The following PROCA1 variants were observed in gnomAD, a reference collection of about 807,000 sequenced individuals.
PROCA1 encodes protein interacting with cyclin A1, also known as protein PROCA1.
In PROCA1, 22 loss-of-function variants were observed where a neutral mutation model predicts 23.2. The observed-to-expected ratio is 0.95, with a 90% CI of 0.68 to 1.35. The LOEUF is 1.35. PROCA1 is among the 40% of genes most tolerant of loss of function. The probability of loss-of-function intolerance (pLI) is 0.00; values close to 1 mark genes in which losing one functional copy is unlikely to be tolerated. For synonymous variants in PROCA1, 182 were observed against 179.2 expected (o/e 1.02, Z -0.12); for missense variants, 469 against 459.8 (o/e 1.02, Z -0.18).
chr17:28,705,373 C>G (rs1003214463), intron 2 of PROCA1: 1 of 153,790 alleles, frequency 6.5e-6, no homozygotes, highest in Admixed American at 6.5e-5. Flanking sequence ...CCTCCCTTCT[C>G]CTTCAAGCCC....
intron 1 of PROCA1, 177 bp from the exon 2 acceptor site, chr17:28,706,940 T>TGGGGGGGGGGGGGGGGGGGG (rs1567716248): frequency 0.021 from 4 of 194 alleles, 1 homozygote; most frequent in Admixed American, 0.071. Context: ...GGTGGGGCTA[T>TGGGGGGGGGGGGGGGGGGGG]GAGGGGGAGG....
At chr17:28,711,533 C>T in intron 1 of PROCA1, 37 bp downstream of exon 1, 1 of 1,543,590 alleles carries the variant, frequency 6.5e-7, no homozygotes, top group Non-Finnish European at 8.8e-7. Flanking sequence ...CGAGCCGGGC[C>T]GCGCCCTCTG....
chr17:28,711,066 GC>G, intron 1 of PROCA1: 1 of 1,183,266 alleles, frequency 8.5e-7, no homozygotes, highest in Non-Finnish European at 1.1e-6. Flanking sequence ...GAGGGGCAGT[GC>G]GCCCGCGTCT....
Position 28,704,168 on chromosome 17 carries a change from G to C in PROCA1, c.485C>G (p.Pro162Arg), listed in dbSNP as rs768335542. 9.7e-6 allele frequency: 15 copies of C among 1,542,896 alleles called. No individual in the cohort carries two copies. Among genetic ancestry groups the C allele is most frequent in the Non-Finnish European group, 1.3e-5 (15 of 1,149,840 alleles). The change falls in exon 5 of 5, where the codon CCA becomes CGA. Residue 162 changes from proline to arginine, a missense_variant. Transcript: ENST00000682792. ...ATCTGCCCCACACTCATGGTAGAGTGGATGGTGGATCACTGCCACAGAGAC... is the reference window on the plus strand; with the variant it reads ...ATCTGCCCCACACTCATGGTAGAGTCGATGGTGGATCACTGCCACAGAGAC... ...RPVSVAVIHH[P>R]LYHECGADDL...
rs566098264 is a variant in PROCA1 at position 28,704,368 on chromosome 17, C to T, written c.379G>A (p.Glu127Lys). Reference sequence around the variant, plus strand: ...GGTGTGAGCTCAAAGCAAGGGGACTCGATGACATGGGAGCAGGTTGGGCCC... The same window carrying T: ...GGTGTGAGCTCAAAGCAAGGGGACTTGATGACATGGGAGCAGGTTGGGCCC... ...GAGPTCSHVI[E>K]SPCFELTPEE... is the part of the protein sequence containing the mutation. The change falls in exon 4 of 5, where the codon GAG (glutamate) becomes AAG (lysine). Residue 127 changes from glutamate (E) to lysine (K), a missense_variant. Glu to Lys is a moderately conservative substitution (Grantham distance 56). Transcript: ENST00000682792. The T allele has an allele frequency of 5.5e-4, 886 of 1,614,124 alleles. 9 individuals carry two copies. In the South Asian group the frequency reaches 9.1e-3, roughly 17 times the overall value.
chr17:28,708,244 G>T (rs915990123), intron 1 of PROCA1, among the ~76,000 whole-genome samples: 1 of 152,140 alleles, frequency 6.6e-6, no homozygotes, highest in African/African-American at 2.4e-5. Flanking sequence ...TCCTGACCTT[G>T]TGATCCGCCC....
rs2151683233 is a variant in PROCA1, at chr17:28,706,597, C to T, written c.175+83G>A. ...ACCACACTTCCCTCCCTCCCTGCCT[C>T]AGGACCAAGCTTCCACCAGGTGTCA... On this transcript the variant is annotated intron_variant, in intron 2 of 4. Coordinates refer to ENST00000682792, the MANE Select transcript of PROCA1 (RefSeq NM_001366301.1). The T allele has an allele frequency of 1.1e-5, 11 of 1,023,410 alleles. 1 individual carries two copies. The South Asian group carries it at 1.5e-4, about 14-fold the overall frequency. 63.4% of individuals were successfully genotyped at this position (1,023,410 alleles called of 1,614,324 possible).
chr17:28,703,413 A>G lies in PROCA1; in HGVS notation c.*145T>C. On this transcript the variant is annotated 3_prime_UTR_variant, in exon 5 of 5. Coordinates refer to ENST00000682792, the MANE Select transcript of PROCA1 (RefSeq NM_001366301.1). ...GCCTTCCCATGGGCTTCCTTTGTGA[A>G]AGCTGGATTGCCTTTGAGAAACCCC... 1 of 824,616 alleles carries G rather than the reference A, an allele frequency of 1.2e-6. No homozygotes were observed. Among genetic ancestry groups the G allele is most frequent in the Non-Finnish European group, 1.9e-6 (1 of 525,498 alleles). The allele number at this position is 824,616 out of a possible 1,614,324, so 51.1% of individuals were successfully genotyped here. A position where few individuals can be genotyped will look rare whatever the true frequency, so the allele number is the denominator to read the frequency against.
intron 1 of PROCA1, chr17:28,710,810 C>T (rs1469751303): frequency 7.7e-7 from 1 of 1,304,094 alleles, no homozygotes; most frequent in Non-Finnish European, 1.0e-6. Context: ...AAGTGGGAGG[C>T]TTATGGCGTC....
chr17:28,706,799 C>A lies in PROCA1; in HGVS notation c.92-36G>T, dbSNP rs1318537340. Reference sequence around the variant, plus strand: ...ATAGAGTGGCAGTGGTGGCAGCAGCCCCCTCCCTGTGCCATTTATTCACCA... The same window carrying A: ...ATAGAGTGGCAGTGGTGGCAGCAGCACCCTCCCTGTGCCATTTATTCACCA... On this transcript the variant is annotated intron_variant, in intron 1 of 4. Transcript: ENST00000682792. 7 of 1,301,586 alleles carry A rather than the reference C, an allele frequency of 5.4e-6. 2 individuals carry two copies. The South Asian group carries it at 8.6e-5, about 16-fold the overall frequency. The allele number at this position is 1,301,586 out of a possible 1,614,324, so 80.6% of individuals were successfully genotyped here.
chr17:28,706,845 ACATGTCAGGCCCTCGCTG>A, intron 1 of PROCA1, 82 bp from the exon 2 acceptor site: 6 of 1,277,016 alleles, frequency 4.7e-6, no homozygotes, highest in Non-Finnish European at 6.1e-6. Context: ...GAGAAACTCC[ACATGTCAGGCCCTCGCTG>A]CATCCTGGAG....
In PROCA1 at chr17:28,703,228, C is replaced by T. The variant is rs1444677995; in HGVS notation, c.*330G>A. On this transcript the variant is annotated 3_prime_UTR_variant, in exon 5 of 5. Transcript: ENST00000682792. ...AAAAAGTTCCGTTTATTGGGGGTATCGCTGCAGACAGTACTGCCTGTCCCA... is the reference window on the plus strand; with the variant it reads ...AAAAAGTTCCGTTTATTGGGGGTATTGCTGCAGACAGTACTGCCTGTCCCA... 7.0e-6 allele frequency: 2 copies of T among 286,760 alleles called. No individual in the cohort carries two copies. The highest frequency in any genetic ancestry group is 1.3e-5 in the Non-Finnish European group (2 of 153,560). 17.8% of individuals were successfully genotyped at this position (286,760 alleles called of 1,614,324 possible). A position where few individuals can be genotyped will look rare whatever the true frequency, so the allele number is the denominator to read the frequency against.
intron 1 of PROCA1, among the ~76,000 whole-genome samples, chr17:28,708,078 C>T (rs1340167657): frequency 6.6e-5 from 10 of 152,016 alleles, no homozygotes; most frequent in African/African-American, 2.2e-4. Context: ...GGTGGGATCT[C>T]GGCTTACTGC....
chr17:28,711,583 C>G lies in PROCA1; in HGVS notation c.78G>C (p.Glu26Asp). The G allele has an allele frequency of 6.2e-7, 1 of 1,611,456 alleles. No homozygotes were observed. The highest frequency in any genetic ancestry group is 8.5e-7 in the Non-Finnish European group (1 of 1,179,356). ...CGCCCCTCTTACCGCGGCATCTGCTCTCATCCCACGAGCGGGCCTTGGGCT... is the reference window on the plus strand; with the variant it reads ...CGCCCCTCTTACCGCGGCATCTGCTGTCATCCCACGAGCGGGCCTTGGGCT... ...KTEPKARSWD[E>D]SRCRDVNRLP... Residue 26 changes from glutamate to aspartate, a missense_variant, in exon 1 of 5, where the codon GAG becomes GAC. Transcript: ENST00000682792.
chr17:28,709,316 C>A (rs192205814), intron 1 of PROCA1, among the ~76,000 whole-genome samples: 6 of 151,402 alleles, frequency 4.0e-5, no homozygotes, highest in Admixed American at 1.3e-4. Flanking sequence ...AGTGCAGTGG[C>A]GGGATCTTGG....
At chr17:28,711,004 G>GGAAGGGAGGGAAGGAGTAGGGCGT in intron 1 of PROCA1, 1 of 982,736 alleles carries the variant, frequency 1.0e-6, no homozygotes, top group Admixed American at 2.7e-5. Context: ...GAGTAGGGCG[G>GGAAGGGAGGGAAGGAGTAGGGCGT]GAAGGGAGGG....
chr17:28,710,777 G>A (rs1232491968), intron 1 of PROCA1: 10 of 1,302,962 alleles, frequency 7.7e-6, no homozygotes, highest in African/African-American at 6.1e-5. Flanking sequence ...CACAATGAAT[G>A]AGGAGGGTGA....
At position 28,703,465 on chromosome 17, in the gene PROCA1, C is replaced by T. The variant is rs1174615769; in HGVS notation, c.*93G>A. 154 of 1,377,506 alleles carry T rather than the reference C, an allele frequency of 1.1e-4. 3 individuals are homozygous for T. In the South Asian group the frequency reaches 1.9e-3, roughly 17 times the overall value. 85.3% of individuals were successfully genotyped at this position (1,377,506 alleles called of 1,614,324 possible). On this transcript the variant is annotated 3_prime_UTR_variant, in exon 5 of 5. Coordinates refer to ENST00000682792, the MANE Select transcript of PROCA1 (RefSeq NM_001366301.1). The stretch of plus-strand genomic sequence containing the variant: ...GCAGCCCTGAGCCCACCCCTTGCCC[C>T]GCAAGAAACAGCCAGGTTGGAGGGA...
intron 1 of PROCA1, among the ~76,000 whole-genome samples, chr17:28,708,129 C>A (rs1347946727): frequency 6.6e-6 from 1 of 152,206 alleles, no homozygotes; most frequent in Admixed American, 6.5e-5. Flanking sequence ...CCTGCCTCAG[C>A]CTCCTGAGTA....
Sources: allele counts gnomAD v4.1 joint callset (sites outside exome capture counted in the v4.1 genomes callset), GRCh38; gene constraint gnomAD v4.1.1; transcripts MANE v1.5; gene names NCBI Gene and HGNC (gene_info 2026-07-23, HGNC 2026-07-21).